The following CDH2 variants were observed in gnomAD, a reference collection of about 807,000 sequenced individuals.
CDH2 encodes cadherin-2.
A neutral mutation model predicts 92.0 loss-of-function variants in CDH2; 17 were observed. The observed-to-expected ratio is 0.18, with a 90% CI of 0.13 to 0.28. The LOEUF (loss-of-function observed/expected upper bound fraction) is 0.28, where lower values mean the gene tolerates loss of function less well. Ranked by LOEUF, CDH2 falls within the 10% of genes least tolerant of loss-of-function variation. The pLI, the probability that CDH2 is intolerant of heterozygous loss-of-function variation, is 1.00. For synonymous variants in CDH2, 419 were observed against 415.9 expected (o/e 1.01, Z -0.09); for missense variants, 862 against 1,133.1 (o/e 0.76, Z 3.44).
At chr18:27,969,704 G>T (rs1418579972) in intron 14 of CDH2, among the ~76,000 whole-genome samples, 1 of 152,216 alleles carries the variant, frequency 6.6e-6, no homozygotes, top group Admixed American at 6.5e-5. Flanking sequence ...TTAAAATAAT[G>T]AAAGTTTGGC....
At chr18:28,145,997 G>A (rs981075121) in intron 2 of CDH2, among the ~76,000 whole-genome samples, 5 of 151,982 alleles carry the variant, frequency 3.3e-5, no homozygotes, top group Non-Finnish European at 5.9e-5. Flanking sequence ...CCTGTTTCTA[G>A]TTATCCTAAA....
intron 2 of CDH2, among the ~76,000 whole-genome samples, chr18:28,029,839 G>T (rs960006060): frequency 4.6e-5 from 7 of 152,012 alleles, no homozygotes; most frequent in Non-Finnish European, 8.8e-5. Context: ...CCAGCTGTTA[G>T]GTGTACTTGT....
intron 2 of CDH2, among the ~76,000 whole-genome samples, chr18:28,108,970 T>C (rs373745592): frequency 8.5e-5 from 13 of 152,128 alleles, no homozygotes; most frequent in East Asian, 3.9e-4. Flanking sequence ...TGTGTTCCTG[T>C]TGAACATTAA....
intron 2 of CDH2, among the ~76,000 whole-genome samples, chr18:28,049,436 G>A (rs2014146151): frequency 6.6e-6 from 1 of 152,108 alleles, no homozygotes; most frequent in East Asian, 1.9e-4. Flanking sequence ...AAATGAACAG[G>A]ACAAATATAC....
At chr18:28,068,238 C>T (rs2014548050) in intron 2 of CDH2, among the ~76,000 whole-genome samples, 1 of 152,170 alleles carries the variant, frequency 6.6e-6, no homozygotes, top group Non-Finnish European at 1.5e-5. Context: ...CCATTTCAAA[C>T]AGCTTTTCAG....
chr18:28,059,610 G>A (rs1446189625), intron 2 of CDH2, among the ~76,000 whole-genome samples: 7 of 152,196 alleles, frequency 4.6e-5, no homozygotes, highest in Non-Finnish European at 8.8e-5. Context: ...AGAGTTCTCC[G>A]AACCTGTTCT....
downstream of CDH2, among the ~76,000 whole-genome samples, chr18:27,948,521 G>A (rs990384919): frequency 6.6e-6 from 1 of 151,748 alleles, no homozygotes; most frequent in Non-Finnish European, 1.5e-5. Flanking sequence ...AATGAAACTT[G>A]CTATACATTT....
At chr18:28,031,534 C>A (rs542108408) in intron 2 of CDH2, among the ~76,000 whole-genome samples, 2 of 152,206 alleles carry the variant, frequency 1.3e-5, no homozygotes, top group African/African-American at 4.8e-5. Context: ...GGCCCTTTAA[C>A]CTCATCCTTC....
At chr18:27,955,617 TTAAAA>T (rs1295121157) in intron 15 of CDH2, among the ~76,000 whole-genome samples, 2 of 151,902 alleles carry the variant, frequency 1.3e-5, no homozygotes, top group African/African-American at 2.4e-5. Flanking sequence ...ATTCAATTCC[TTAAAA>T]TAAATATAAT....
chr18:28,134,714 AAAAC>A lies in CDH2; in HGVS notation c.172+12955_172+12958del, dbSNP rs978434902. On this transcript the variant is annotated intron_variant, in intron 2 of 15. Transcript: ENST00000269141. ...GAACAGAGCAAAATCTTGTCTCAAAAAAACAAACAAACAAAATGTTCAGCAGCAC... is the reference window on the plus strand; with the variant it reads ...GAACAGAGCAAAATCTTGTCTCAAAAAAACAAACAAAATGTTCAGCAGCAC... 5.3e-5 allele frequency among the ~76,000 whole-genome samples: 8 copies of A among 152,190 alleles called. No individual in the cohort carries two copies. The South Asian group carries it at 6.2e-4, about 12-fold the overall frequency.
At chr18:27,973,500 C>G (rs903043439) in intron 14 of CDH2, among the ~76,000 whole-genome samples, 1 of 152,124 alleles carries the variant, frequency 6.6e-6, no homozygotes, top group African/African-American at 2.4e-5. Context: ...CATGCCTATA[C>G]AGTGTTGTAT....
chr18:28,043,501 T>TATATATATATATAG (rs2014003600), intron 2 of CDH2, among the ~76,000 whole-genome samples: 1 of 83,904 alleles, frequency 1.2e-5, no homozygotes, highest in Non-Finnish European at 2.4e-5. Context: ...TATAAATATA[T>TATATATATATATAG]ATATATATAT....
chr18:28,108,947 T>C (rs1599107197), intron 2 of CDH2, among the ~76,000 whole-genome samples: 1 of 152,114 alleles, frequency 6.6e-6, no homozygotes, highest in East Asian at 1.9e-4. Context: ...AGTTTAGTCA[T>C]ACCTCAACAG....
chr18:28,036,005 T>G (rs1437466964), intron 2 of CDH2, among the ~76,000 whole-genome samples: 2 of 152,162 alleles, frequency 1.3e-5, no homozygotes, highest in Non-Finnish European at 2.9e-5. Flanking sequence ...TATAACATAA[T>G]TAAATAGAGT....
intron 2 of CDH2, among the ~76,000 whole-genome samples, chr18:28,121,530 C>T (rs1432638396): frequency 1.3e-5 from 2 of 152,126 alleles, no homozygotes; most frequent in African/African-American, 4.8e-5. Flanking sequence ...CACCAACTCT[C>T]ATGCATTAGA....
intron 6 of CDH2, among the ~76,000 whole-genome samples, chr18:27,941,612 C>T (rs34455080): frequency 6.6e-6 from 1 of 152,112 alleles, no homozygotes; most frequent in Non-Finnish European, 1.5e-5. Flanking sequence ...GCATGATGAC[C>T]TAATTTCTGA....
chr18:28,170,703 C>T (rs1203620852), intron 1 of CDH2, among the ~76,000 whole-genome samples: 1 of 152,112 alleles, frequency 6.6e-6, no homozygotes, highest in Non-Finnish European at 1.5e-5. Context: ...TTAACAATCG[C>T]TTTCTTGAAC....
intron 2 of CDH2, among the ~76,000 whole-genome samples, chr18:28,022,968 C>G (rs1035793610): frequency 1.3e-5 from 2 of 152,038 alleles, no homozygotes; most frequent in Non-Finnish European, 2.9e-5. Context: ...GTGAATAACT[C>G]TCCTTCAACA....
intron 14 of CDH2, among the ~76,000 whole-genome samples, chr18:27,973,479 A>G (rs1438499316): frequency 6.6e-6 from 1 of 152,148 alleles, no homozygotes; most frequent in Non-Finnish European, 1.5e-5. Flanking sequence ...TGAACCTTAC[A>G]TTCCGTTTCT....
Sources: gnomAD v4.1 joint callset for allele counts (sites outside exome capture counted in the v4.1 genomes callset) on GRCh38, gnomAD v4.1.1 for gene constraint, MANE v1.5 for transcripts, NCBI Gene and HGNC (gene_info 2026-07-23, HGNC 2026-07-21) for gene names.